The following FCRL2 variants were observed in gnomAD, a reference collection of about 807,000 sequenced individuals.
The protein encoded by FCRL2 is Fc receptor like 2.
FCRL2 carries 48 observed loss-of-function variants against 59.8 expected under a neutral mutation model. The ratio of observed to expected loss-of-function variants is 0.80; its 90% CI spans 0.64 to 1.02. FCRL2 has a LOEUF of 1.02. Among genes scored for constraint, FCRL2 ranks in the 50% least tolerant of loss-of-function variants. The pLI is 0.00. For missense variants in FCRL2, 658 were observed against 597.3 expected, an observed-to-expected ratio of 1.10 and a Z score of -1.06; for synonymous variants, 251 against 229.5, an observed-to-expected ratio of 1.09 and a Z score of -0.85.
intron 8 of FCRL2, among the ~76,000 whole-genome samples, chr1:157,749,447 A>T (rs1571248678): frequency 1.3e-5 from 2 of 152,330 alleles, no homozygotes; most frequent in African/African-American, 4.8e-5. Flanking sequence ...ATACAAGATA[A>T]CACCAAGGAT....
Position 157,768,580 on chromosome 1 carries a change from C to T in FCRL2, c.717G>A (p.Trp239Ter), listed in dbSNP as rs779700382. 3 of 1,614,086 alleles carry T rather than the reference C, an allele frequency of 1.9e-6. No individual in the cohort carries two copies. The African/African-American group carries it at 4.0e-5, about 22-fold the overall frequency. Residue 239 changes from tryptophan (W) to a stop codon, truncating the protein, a stop_gained, in exon 5 of 12, where the codon TGG (tryptophan) becomes TGA (stop). Transcript: ENST00000361516. LOFTEE classifies it high-confidence loss of function. ...TACTGGTTCCTGTGGCCTCTCTGTA[C>T]CAGGAGAATGTGACATTTCCTGTAC... ...AGGTGNVTFS[W>*]YREATGTSMG... is the part of the protein sequence containing the mutation.
At position 157,752,456 on chromosome 1, in the gene FCRL2, G is replaced by A. The variant is rs571269429; in HGVS notation, c.1280-2779C>T. Among the ~76,000 whole-genome samples, 10 of 152,260 alleles carry A rather than the reference G, an allele frequency of 6.6e-5. No homozygotes were observed. The South Asian group carries it at 1.2e-3, about 19-fold the overall frequency. On this transcript the variant is annotated intron_variant, in intron 7 of 11. Transcript: ENST00000361516. ...CTATAAGTCCAATTAAACCTCTTTC[G>A]TTTGTAAATTGCCCTGTCTCAGGTA...
At chr1:157,770,809 T>G in intron 2 of FCRL2, 143 bp from the exon 3 acceptor site, 1 of 883,486 alleles carries the variant, frequency 1.1e-6, no homozygotes, top group East Asian at 2.7e-5. Context: ...TTACTGAGAG[T>G]TTCATCCCAT....
In FCRL2 at chr1:157,766,990, G is replaced by C. The variant is rs1172136661; in HGVS notation, c.1163-19C>G. On this transcript the variant is annotated intron_variant, in intron 6 of 11. Transcript: ENST00000361516. ...TCAGGTCCTGAGGAAAGAAAGCAGT[G>C]CTTCAGCCCCAGAGGTTTAAGACTT... is the stretch of plus-strand genomic sequence containing the variant. 1 of 1,600,888 alleles carries C rather than the reference G, an allele frequency of 6.2e-7. No individual in the cohort carries two copies. Among genetic ancestry groups the C allele is most frequent in the African/African-American group, 1.3e-5 (1 of 74,352 alleles).
intron 8 of FCRL2, 83 bp from the exon 9 acceptor site, chr1:157,749,043 G>T: frequency 8.2e-7 from 1 of 1,216,140 alleles, no homozygotes; most frequent in Non-Finnish European, 1.2e-6. Flanking sequence ...GAGAGAGCAG[G>T]TGGAAGCCCT....
intron 7 of FCRL2, among the ~76,000 whole-genome samples, chr1:157,760,793 G>A (rs1203401674): frequency 7.0e-6 from 1 of 143,832 alleles, no homozygotes; most frequent in Non-Finnish European, 1.5e-5. Flanking sequence ...AAGGAAGGAG[G>A]GAAGGAAGGA....
At chr1:157,770,349 C>A in intron 3 of FCRL2, 60 bp downstream of exon 3, 1 of 1,577,024 alleles carries the variant, frequency 6.3e-7, no homozygotes. Flanking sequence ...ACCCAGTACC[C>A]ACCCTGCCTT....
At chr1:157,754,251 A>C (rs968086577) in intron 7 of FCRL2, among the ~76,000 whole-genome samples, 4 of 152,316 alleles carry the variant, frequency 2.6e-5, no homozygotes, top group African/African-American at 9.6e-5. Flanking sequence ...GTTGCAGTAA[A>C]GAAGCCAGCA....
intron 2 of FCRL2, among the ~76,000 whole-genome samples, chr1:157,774,724 G>A (rs1046879959): frequency 1.3e-5 from 2 of 152,172 alleles, no homozygotes; most frequent in Non-Finnish European, 2.9e-5. Context: ...CCTTATGTGG[G>A]ACAGAATGAA....
intron 2 of FCRL2, among the ~76,000 whole-genome samples, chr1:157,771,691 G>T (rs1339009028): frequency 6.6e-6 from 1 of 151,996 alleles, no homozygotes; most frequent in African/African-American, 2.4e-5. Flanking sequence ...ATTTATTTAC[G>T]GTACCAGACT....
intron 1 of FCRL2, 84 bp from the exon 2 acceptor site, chr1:157,775,879 CA>C (rs1650373183): frequency 6.9e-7 from 1 of 1,448,174 alleles, no homozygotes; most frequent in Non-Finnish European, 9.4e-7. Context: ...GTAAATTGCT[CA>C]AAAACTTCTT....
At chr1:157,754,149 C>A (rs1361668987) in intron 7 of FCRL2, among the ~76,000 whole-genome samples, 1 of 152,046 alleles carries the variant, frequency 6.6e-6, no homozygotes, top group East Asian at 1.9e-4. Context: ...CCTACTGGGC[C>A]CCATTCCCAG....
intron 4 of FCRL2, chr1:157,768,929 A>T: frequency 2.1e-6 from 1 of 481,726 alleles, no homozygotes; most frequent in Non-Finnish European, 3.6e-6. Context: ...GTAATATTTA[A>T]AGACTTTGTG....
intron 7 of FCRL2, among the ~76,000 whole-genome samples, chr1:157,760,694 A>AGGAG (rs1324917759): frequency 4.4e-5 from 5 of 113,680 alleles, no homozygotes; most frequent in Non-Finnish European, 9.0e-5. Flanking sequence ...AAAGAAAGAA[A>AGGAG]GAAGGAAAGA....
intron 7 of FCRL2, among the ~76,000 whole-genome samples, chr1:157,759,514 T>C (rs12042912): frequency 6.6e-6 from 1 of 152,004 alleles, no homozygotes; most frequent in Non-Finnish European, 1.5e-5. Context: ...AAACAATCTA[T>C]AGAATGGAAG....
intron 7 of FCRL2, among the ~76,000 whole-genome samples, chr1:157,750,529 C>T (rs1334879972): frequency 2.0e-5 from 3 of 152,204 alleles, no homozygotes; most frequent in Non-Finnish European, 2.9e-5. Flanking sequence ...TCAAAGTCCT[C>T]CCAGTGTAGA....
Position 157,768,449 on chromosome 1 carries a change from G to C in FCRL2, c.848C>G (p.Pro283Arg). 6.2e-7 allele frequency: 1 copy of C among 1,614,214 alleles called. No homozygotes were observed. The highest frequency in any genetic ancestry group is 8.5e-7 in the Non-Finnish European group (1 of 1,180,034). ...GATATTCACCACCTTGCTCTGGATA[G>C]GCACATGGCCGTTGTCAGCTCTACA... ...YYCRADNGHV[P>R]IQSKVVNIPV... Residue 283 changes from proline to arginine, a missense_variant, in exon 5 of 12, where the codon CCT becomes CGT. Coordinates refer to ENST00000361516, the MANE Select transcript of FCRL2 (RefSeq NM_030764.4).
intron 2 of FCRL2, chr1:157,774,395 T>C (rs1222905240): frequency 6.6e-6 from 3 of 455,382 alleles, no homozygotes; most frequent in South Asian, 4.7e-5. Context: ...ATTTGGTCTT[T>C]CTGGCTATAT....
At chr1:157,773,425 G>A (rs1243644866) in intron 2 of FCRL2, among the ~76,000 whole-genome samples, 1 of 152,176 alleles carries the variant, frequency 6.6e-6, no homozygotes, top group Non-Finnish European at 1.5e-5. Context: ...TGCACTTCAA[G>A]AGCAACCAAA....
Sources: gnomAD v4.1 joint callset for allele counts (sites outside exome capture counted in the v4.1 genomes callset) on GRCh38, gnomAD v4.1.1 for gene constraint, MANE v1.5 for transcripts, NCBI Gene and HGNC (gene_info 2026-07-23, HGNC 2026-07-21) for gene names.